Variants in VEZT observed in about 807,000 individuals in gnomAD.
VEZT encodes vezatin, adherens junctions transmembrane protein.
VEZT carries 39 observed loss-of-function variants against 79.9 expected under a neutral mutation model. The ratio of observed to expected loss-of-function variants is 0.49; its 90% confidence interval spans 0.38 to 0.64. The LOEUF (loss-of-function observed/expected upper bound fraction) is 0.64. Among genes scored for constraint, VEZT ranks in the 30% least tolerant of loss-of-function variants. The probability of loss-of-function intolerance (pLI) is 0.00; values close to 1 mark genes in which losing one functional copy is unlikely to be tolerated. For synonymous variants in VEZT, 325 were observed against 327.6 expected (o/e 0.99, Z 0.09); for missense variants, 837 against 893.1 (o/e 0.94, Z 0.80).
chr12:95,263,102 A>G (rs1407867582), intron 4 of VEZT, 21 bp downstream of exon 4: 2 of 1,563,594 alleles, frequency 1.3e-6, no homozygotes, highest in Non-Finnish European at 1.7e-6. Flanking sequence ...GAAAACACCT[A>G]TTCTTTGACT....
In VEZT at chr12:95,274,902, T is replaced by G. The variant is rs368669635; in HGVS notation, c.996+13T>G. The G allele has an allele frequency of 1.2e-6, 2 of 1,610,096 alleles. No homozygotes were observed. The highest frequency in any genetic ancestry group is 2.7e-5 in the African/African-American group (2 of 74,728). On this transcript the variant is annotated intron_variant, in intron 7 of 11. Transcript: ENST00000436874. ...GCCTGCATTGAAGGTAATCCATTTG[T>G]GTAAGGGAAGGGCTGAAGAAAAAAT...
intron 6 of VEZT, among the ~76,000 whole-genome samples, chr12:95,271,190 C>CTA (rs2066521769): frequency 6.6e-6 from 1 of 151,854 alleles, no homozygotes; most frequent in South Asian, 2.1e-4. Flanking sequence ...CTCTCTCTTT[C>CTA]TATATATATA....
At chr12:95,262,485 C>A (rs1164675803) in intron 3 of VEZT, 2 of 153,826 alleles carry the variant, frequency 1.3e-5, no homozygotes, top group Admixed American at 6.5e-5. Context: ...TCTGAATATC[C>A]ATTTTTAGGA....
intron 5 of VEZT, among the ~76,000 whole-genome samples, chr12:95,268,607 C>T (rs1283642992): frequency 6.6e-6 from 1 of 152,130 alleles, no homozygotes; most frequent in Admixed American, 6.5e-5. Flanking sequence ...GGATTCTGTG[C>T]CTTGTGTCAT....
chr12:95,260,204 C>T (rs2064191046), intron 3 of VEZT, among the ~76,000 whole-genome samples: 1 of 148,880 alleles, frequency 6.7e-6, no homozygotes, highest in Non-Finnish European at 1.5e-5. Context: ...CTCCCAGGCT[C>T]AAGCAATTCT....
intron 6 of VEZT, among the ~76,000 whole-genome samples, chr12:95,274,415 G>T (rs1415421238): frequency 6.6e-6 from 1 of 152,102 alleles, no homozygotes; most frequent in Non-Finnish European, 1.5e-5. Flanking sequence ...GCAGTGAGCC[G>T]GGTTGGTGCC....
chr12:95,265,008 A>G (rs2065257566), intron 4 of VEZT, among the ~76,000 whole-genome samples: 1 of 151,302 alleles, frequency 6.6e-6, no homozygotes, highest in East Asian at 1.9e-4. Context: ...CTACGGATGC[A>G]TGCAACCACA....
At chr12:95,233,068 A>G (rs2059491487) in intron 1 of VEZT, among the ~76,000 whole-genome samples, 1 of 152,164 alleles carries the variant, frequency 6.6e-6, no homozygotes, top group South Asian at 2.1e-4. Context: ...GACCTCCCAA[A>G]GTGCTGGGAT....
At chr12:95,256,105 G>A (rs1384631922) in intron 2 of VEZT, among the ~76,000 whole-genome samples, 1 of 151,918 alleles carries the variant, frequency 6.6e-6, no homozygotes, top group African/African-American at 2.4e-5. Context: ...AGGCTGGAGT[G>A]CAATGGCGCG....
Position 95,239,981 on chromosome 12 carries a change from A to G in VEZT, c.37-11959A>G, listed in dbSNP as rs201854341. ...GAGAGAGAGAGAGAGAGAGAGAGAG[A>G]GGAGAGAGAGAGAGGAGACAGAGAG... On this transcript the variant is annotated intron_variant, in intron 1 of 11. Coordinates refer to ENST00000436874, the MANE Select transcript of VEZT (RefSeq NM_017599.4). 3.8e-5 allele frequency among the ~76,000 whole-genome samples: 5 copies of G among 129,952 alleles called. No individual in the cohort carries two copies. In the South Asian group the frequency reaches 7.9e-4, roughly 20 times the overall value. 85.3% of individuals were successfully genotyped at this position (129,952 alleles called of 152,430 possible). A position where few individuals can be genotyped will look rare whatever the true frequency, so the allele number is the denominator to read the frequency against.
intron 1 of VEZT, among the ~76,000 whole-genome samples, chr12:95,239,151 A>C (rs1427777646): frequency 6.6e-6 from 1 of 152,256 alleles, no homozygotes; most frequent in Non-Finnish European, 1.5e-5. Flanking sequence ...GGTAGGAAAA[A>C]CAAAGTTATT....
chr12:95,279,743 C>T (rs1168732531), intron 7 of VEZT, among the ~76,000 whole-genome samples: 1 of 152,150 alleles, frequency 6.6e-6, no homozygotes, highest in Non-Finnish European at 1.5e-5. Context: ...AGTTATGTGC[C>T]ACCATGCCTG....
intron 1 of VEZT, among the ~76,000 whole-genome samples, chr12:95,245,169 G>A (rs1476793614): frequency 1.3e-5 from 2 of 152,198 alleles, no homozygotes; most frequent in African/African-American, 2.4e-5. Flanking sequence ...GGGAGGTGGA[G>A]GTTGCAGTGA....
At chr12:95,261,243 G>T (rs375218618) in intron 3 of VEZT, among the ~76,000 whole-genome samples, 140 of 152,190 alleles carry the variant, frequency 9.2e-4, no homozygotes, top group African/African-American at 3.3e-3. Context: ...GGAATGTGTG[G>T]TGTGGGGATG....
At chr12:95,229,732 C>G (rs1481690249) in intron 1 of VEZT, among the ~76,000 whole-genome samples, 2 of 152,030 alleles carry the variant, frequency 1.3e-5, no homozygotes, top group African/African-American at 4.8e-5. Flanking sequence ...CAAATCATGC[C>G]TTAAGGATTT....
In VEZT at chr12:95,274,812, C is replaced by G; in HGVS notation, c.919C>G (p.Leu307Val). Residue 307 changes from leucine (L) to valine (V), a missense_variant, in exon 7 of 12, where the codon CTT (leucine) becomes GTT (valine). By Grantham distance (32) the Leu-to-Val change is conservative (BLOSUM62 1). Coordinates refer to ENST00000436874, the MANE Select transcript of VEZT (RefSeq NM_017599.4). ...TGTGGTGCCTTTTAAAGAGCTGGGC[C>G]TTGGACTTAGTGAAGAGCAGATTTC... is the stretch of plus-strand genomic sequence containing the variant. Reference protein sequence around the residue: ...ICVVPFKELGLGLSEEQISEE... With the variant: ...ICVVPFKELGVGLSEEQISEE... 1 of 1,613,866 alleles carries G rather than the reference C, an allele frequency of 6.2e-7. No homozygotes were observed. The highest frequency in any genetic ancestry group is 8.5e-7 in the Non-Finnish European group (1 of 1,179,846).
intron 3 of VEZT, among the ~76,000 whole-genome samples, chr12:95,260,161 A>C (rs573094359): frequency 1.5e-5 from 2 of 137,352 alleles, no homozygotes; most frequent in Non-Finnish European, 3.0e-5. Flanking sequence ...GCTGCAGTAC[A>C]GTGGCACCAT....
chr12:95,252,887 C>T (rs1046401791), intron 2 of VEZT, among the ~76,000 whole-genome samples: 4 of 152,188 alleles, frequency 2.6e-5, no homozygotes, highest in African/African-American at 9.6e-5. Flanking sequence ...ATCGCTTGAA[C>T]CTGAGAGGCG....
chr12:95,276,519 A>G (rs556556193), intron 7 of VEZT, among the ~76,000 whole-genome samples: 9 of 151,950 alleles, frequency 5.9e-5, no homozygotes, highest in African/African-American at 2.2e-4. Context: ...ATTTGCCCAC[A>G]TCAGCCTCCC....
Sources: allele counts gnomAD v4.1 joint callset (sites outside exome capture counted in the v4.1 genomes callset), GRCh38; gene constraint gnomAD v4.1.1; transcripts MANE v1.5; gene names NCBI Gene and HGNC (gene_info 2026-07-23, HGNC 2026-07-21).